The following CASP2 variants were observed in gnomAD, a reference collection of about 807,000 sequenced individuals.
CASP2 encodes caspase-2.
A neutral mutation model predicts 54.4 loss-of-function variants in CASP2; 38 were observed. The observed-to-expected ratio is 0.70, with a 90% confidence interval of 0.54 to 0.92. The LOEUF is 0.92. CASP2 is among the 40% of genes least tolerant of loss of function. The probability of loss-of-function intolerance (pLI) is 0.00; values close to 1 mark genes in which losing one functional copy is unlikely to be tolerated. For missense variants in CASP2, 512 were observed against 579.6 expected, an observed-to-expected ratio of 0.88 and a Z score of 1.20; for synonymous variants, 215 against 216.3, an observed-to-expected ratio of 0.99 and a Z score of 0.05.
chr7:143,297,414 C>T (rs192698421), intron 6 of CASP2, among the ~76,000 whole-genome samples: 9 of 152,178 alleles, frequency 5.9e-5, no homozygotes, highest in Admixed American at 2.6e-4. Context: ...TCAAAATGCT[C>T]GTGATTCGGT....
intron 6 of CASP2, among the ~76,000 whole-genome samples, chr7:143,295,072 G>A (rs1458026430): frequency 6.6e-6 from 1 of 151,540 alleles, no homozygotes; most frequent in Non-Finnish European, 1.5e-5. Flanking sequence ...CTGTCACCCA[G>A]GCTGGAGTGC....
intron 9 of CASP2, among the ~76,000 whole-genome samples, chr7:143,304,346 A>C (rs1802005204): frequency 6.6e-6 from 1 of 152,194 alleles, no homozygotes; most frequent in Non-Finnish European, 1.5e-5. Flanking sequence ...AGTATGTTTT[A>C]ATTACAGCAT....
At chr7:143,291,907 T>C (rs1801582932) in intron 2 of CASP2, among the ~76,000 whole-genome samples, 2 of 150,328 alleles carry the variant, frequency 1.3e-5, no homozygotes, top group South Asian at 2.1e-4. Context: ...GCCTCCCAAG[T>C]AGCTGGGACT....
intron 3 of CASP2, 72 bp from the exon 4 acceptor site, chr7:143,292,545 G>A: frequency 2.5e-6 from 4 of 1,604,018 alleles, no homozygotes; most frequent in Non-Finnish European, 3.4e-6. Context: ...GAGTGAGGGA[G>A]ACTAGATTTT....
At chr7:143,301,528 A>G (rs1235540934) in intron 8 of CASP2, 1 of 152,172 alleles carries the variant, frequency 6.6e-6, no homozygotes, top group East Asian at 1.9e-4. Flanking sequence ...CAAGGTACAA[A>G]CTGTACTTAG....
chr7:143,305,046 T>C lies in CASP2; in HGVS notation c.1334T>C (p.Leu445Pro). The C allele has an allele frequency of 1.2e-6, 2 of 1,614,224 alleles. No individual in the cohort carries two copies. The part of the protein sequence containing the change: ...YCSTLCRHLY[L>P]FPGHPPT The stretch of plus-strand genomic sequence containing the variant: ...AGCACTCTGTGCCGCCACCTCTACC[T>C]GTTCCCAGGACACCCTCCCACATGA... The change falls in exon 11 of 11, where the codon CTG (leucine) becomes CCG (proline). Residue 445 changes from leucine (L) to proline (P), a missense_variant. By Grantham distance (98) the Leu-to-Pro change is moderately conservative. This residue lies in a region of CASP2 where 417 missense variants were observed against 495.4 expected (regional missense o/e 0.84). Transcript: ENST00000310447.
chr7:143,293,368 T>C, intron 4 of CASP2: 1 of 425,698 alleles, frequency 2.3e-6, no homozygotes, highest in Non-Finnish European at 4.1e-6. Context: ...CCTCAAATGA[T>C]CCTTCCGCCT....
At chr7:143,296,315 CTA>C (rs1340795268) in intron 6 of CASP2, among the ~76,000 whole-genome samples, 1 of 152,144 alleles carries the variant, frequency 6.6e-6, no homozygotes, top group African/African-American at 2.4e-5. Flanking sequence ...TAATGGGGGA[CTA>C]TGTGAGCTGC....
intron 6 of CASP2, among the ~76,000 whole-genome samples, chr7:143,296,440 T>TAAG (rs773482333): frequency 6.6e-6 from 1 of 152,182 alleles, no homozygotes; most frequent in Non-Finnish European, 1.5e-5. Flanking sequence ...CTGTCATAGC[T>TAAG]AAGAAGAAGA....
chr7:143,288,875 A>G (rs1453882530), intron 1 of CASP2, among the ~76,000 whole-genome samples: 1 of 152,240 alleles, frequency 6.6e-6, no homozygotes, highest in Admixed American at 6.5e-5. Context: ...GAGGGAAACT[A>G]TAAAAAGACC....
At chr7:143,300,520 A>G (rs1801884822) in intron 8 of CASP2, 1 of 1,571,140 alleles carries the variant, frequency 6.4e-7, no homozygotes, top group African/African-American at 1.3e-5. Context: ...TCCGTGCACC[A>G]CCATATCCTG....
intron 2 of CASP2, 41 bp downstream of exon 2, chr7:143,291,731 G>A (rs375547640): frequency 9.0e-6 from 14 of 1,558,832 alleles, no homozygotes; most frequent in African/African-American, 1.4e-5. Flanking sequence ...TGATCATGGG[G>A]TGGGAATAGA....
At chr7:143,291,748 C>G (rs1014471950) in intron 2 of CASP2, 58 bp downstream of exon 2, 47 of 854,154 alleles carry the variant, frequency 5.5e-5, no homozygotes, top group Non-Finnish European at 8.1e-5. Context: ...TAGAGCATGA[C>G]AAAATATGGA....
intron 1 of CASP2, among the ~76,000 whole-genome samples, chr7:143,289,035 A>G (rs1476782163): frequency 6.6e-6 from 1 of 152,230 alleles, no homozygotes; most frequent in Non-Finnish European, 1.5e-5. Context: ...GGGTTTGGAA[A>G]TTGAGTACTT....
At position 143,305,213 on chromosome 7, in the gene CASP2, T is replaced by C. The variant is rs1047610628; in HGVS notation, c.*142T>C. 12 of 1,089,470 alleles carry C rather than the reference T, an allele frequency of 1.1e-5. No individual in the cohort carries two copies. The Middle Eastern group carries it at 8.3e-4, about 75-fold the overall frequency. 67.5% of individuals were successfully genotyped at this position (1,089,470 alleles called of 1,614,324 possible). A position where few individuals can be genotyped will look rare whatever the true frequency, so the allele number is the denominator to read the frequency against. On this transcript the variant is annotated 3_prime_UTR_variant, in exon 11 of 11. Transcript: ENST00000310447. ...CTCCCAGACTTGTTTCCTGTGCCCA[T>C]CATCTCTGCCTTTGAGTGTGGGACT...
chr7:143,305,303 C>T lies in CASP2; in HGVS notation c.*232C>T. 1 of 602,246 alleles carries T rather than the reference C, an allele frequency of 1.7e-6. No individual in the cohort carries two copies. Among genetic ancestry groups the T allele is most frequent in the Non-Finnish European group, 3.0e-6 (1 of 336,202 alleles). 37.3% of individuals were successfully genotyped at this position (602,246 alleles called of 1,614,324 possible). On this transcript the variant is annotated 3_prime_UTR_variant, in exon 11 of 11. Transcript: ENST00000310447. ...AGCCAGCCTTGGTTGGACCTATTGCCAGGAATGTTTCAGCTGCAGTTGAAG... is the reference window on the plus strand; with the variant it reads ...AGCCAGCCTTGGTTGGACCTATTGCTAGGAATGTTTCAGCTGCAGTTGAAG...
intron 4 of CASP2, 65 bp from the exon 5 acceptor site, chr7:143,294,165 A>C: frequency 2.2e-6 from 2 of 901,868 alleles, no homozygotes; most frequent in Middle Eastern, 2.2e-4. Context: ...CTGAAGTTAC[A>C]ATGACATATT....
intron 10 of CASP2, 32 bp from the exon 11 acceptor site, chr7:143,304,908 C>T (rs1802023271): frequency 6.2e-7 from 1 of 1,614,044 alleles, no homozygotes; most frequent in South Asian, 1.1e-5. Context: ...CCGAGATTCT[C>T]AGACTTGGGC....
Position 143,300,189 on chromosome 7 carries a change from C to G in CASP2, c.877-15C>G. ...GAATGCTTAACCTCTCTTCTTCCTT[C>G]TTTCTTTCTGGCAGCTCCAAGAGGT... On this transcript the variant is annotated splice_polypyrimidine_tract_variant and intron_variant, in intron 7 of 10. Transcript: ENST00000310447. The G allele has an allele frequency of 6.2e-7, 1 of 1,613,970 alleles. No individual in the cohort carries two copies.
Sources: allele counts gnomAD v4.1 joint callset (sites outside exome capture counted in the v4.1 genomes callset), GRCh38; gene constraint gnomAD v4.1.1; regional missense constraint gnomAD v4.1.1; transcripts MANE v1.5; gene names NCBI Gene and HGNC (gene_info 2026-07-23, HGNC 2026-07-21).